The following ODF2 variants were observed in gnomAD, a reference collection of about 807,000 sequenced individuals.
ODF2 encodes the protein outer dense fiber protein 2.
Under a neutral mutation model 110.2 loss-of-function variants are expected in ODF2, and 47 were observed. The observed-to-expected ratio is 0.43, with a 90% CI of 0.34 to 0.54. The LOEUF is 0.54. Ranked by LOEUF, ODF2 falls within the 20% of genes least tolerant of loss-of-function variation. ODF2 has a pLI of 0.03. For synonymous variants in ODF2, 352 were observed against 397.7 expected, an observed-to-expected ratio of 0.89 and a Z score of 1.37; for missense variants, 812 against 1,054.5, an observed-to-expected ratio of 0.77 and a Z score of 3.19.
At chr9:128,481,853 G>T (rs536884851) in intron 9 of ODF2, among the ~76,000 whole-genome samples, 3 of 152,294 alleles carry the variant, frequency 2.0e-5, no homozygotes, top group East Asian at 3.9e-4. Context: ...TTGAGACCTT[G>T]AGCCACAAAG....
chr9:128,462,990 G>A (rs1402784528), intron 4 of ODF2, among the ~76,000 whole-genome samples: 4 of 152,142 alleles, frequency 2.6e-5, no homozygotes, highest in Admixed American at 2.0e-4. Context: ...GCTGGGCGTG[G>A]TGGGCTCACA....
At chr9:128,456,788 C>T (rs1588663739) in intron 1 of ODF2, 5 of 1,326,954 alleles carry the variant, frequency 3.8e-6, no homozygotes, top group South Asian at 1.7e-5. Flanking sequence ...CCCCTCCCAG[C>T]CCGGCGTCTA....
rs543473517 is a variant in ODF2 at position 128,468,546 on chromosome 9, G to T, written c.250-637G>T. Among the ~76,000 whole-genome samples the T allele has an allele frequency of 2.0e-5, 3 of 151,578 alleles. No individual in the cohort carries two copies. The South Asian group carries it at 6.3e-4, about 32-fold the overall frequency. ...ACCCACCTGATTTTTTTTTTTAGAA[G>T]GAGTTTCGTTCTGTTGCCCAGGCTG... is the stretch of plus-strand genomic sequence containing the variant. On this transcript the variant is annotated intron_variant, in intron 4 of 20. Coordinates refer to ENST00000604420, the Ensembl canonical transcript of ODF2.
At chr9:128,463,484 G>A (rs192505941) in intron 4 of ODF2, among the ~76,000 whole-genome samples, 1 of 152,126 alleles carries the variant, frequency 6.6e-6, no homozygotes, top group Non-Finnish European at 1.5e-5. Flanking sequence ...TGGGTGCAGT[G>A]GTACGCACTT....
At chr9:128,467,657 A>C (rs1838585723) in intron 4 of ODF2, among the ~76,000 whole-genome samples, 1 of 146,254 alleles carries the variant, frequency 6.8e-6, no homozygotes, top group Non-Finnish European at 1.5e-5. Context: ...AGGCAGGAGA[A>C]TTGCTTGAAC....
At chr9:128,487,821 A>G in intron 13 of ODF2, 69 bp from the exon 14 acceptor site, 1 of 1,557,702 alleles carries the variant, frequency 6.4e-7, no homozygotes, top group African/African-American at 1.4e-5. Context: ...ACACACACAC[A>G]CACACACACA....
intron 8 of ODF2, among the ~76,000 whole-genome samples, chr9:128,477,621 T>C (rs1841572306): frequency 6.6e-6 from 1 of 151,892 alleles, no homozygotes; most frequent in African/African-American, 2.4e-5. Flanking sequence ...TTTCTTTTTT[T>C]TTGAGACGGA....
chr9:128,457,939 A>ATT (rs1299999466), intron 2 of ODF2, among the ~76,000 whole-genome samples: 1 of 70,536 alleles, frequency 1.4e-5, no homozygotes, highest in Non-Finnish European at 3.1e-5. Flanking sequence ...ATATATATAT[A>ATT]TATATTTTTT....
intron 14 of ODF2, among the ~76,000 whole-genome samples, chr9:128,488,484 C>T (rs1843858791): frequency 6.6e-6 from 1 of 152,128 alleles, no homozygotes; most frequent in African/African-American, 2.4e-5. Flanking sequence ...GCTGTAGGAC[C>T]TGAGTGAAAA....
intron 10 of ODF2, 54 bp downstream of exon 10, chr9:128,482,941 G>A: frequency 7.0e-7 from 1 of 1,436,396 alleles, no homozygotes; most frequent in East Asian, 2.3e-5. Flanking sequence ...CTGTCGCCAG[G>A]CTGGAGTGCA....
Position 128,494,259 on chromosome 9 carries a change from C to T in ODF2, c.1753-251C>T, listed in dbSNP as rs1004146945. Among the ~76,000 whole-genome samples, 1 of 152,200 alleles carries T rather than the reference C, an allele frequency of 6.6e-6. No homozygotes were observed. Among genetic ancestry groups the T allele is most frequent in the African/African-American group, 2.4e-5 (1 of 41,446 alleles). ...GCAAGTGTGCAGAGAGCCCCTGGTA[C>T]AATGCCTGGGTCTTGGTGTTTACTG... is the stretch of plus-strand genomic sequence containing the variant. On this transcript the variant is annotated intron_variant, in intron 16 of 20. Coordinates refer to ENST00000604420, the Ensembl canonical transcript of ODF2. This position sits in a 1 kb window ranked among gnomAD's most constrained non-coding sequence, Gnocchi z 4.6.
upstream of ODF2, chr9:128,455,944 G>A: frequency 7.1e-7 from 1 of 1,402,952 alleles, no homozygotes; most frequent in Non-Finnish European, 9.2e-7. Flanking sequence ...GGCCAGGCCC[G>A]CTGGACGCGT....
chr9:128,500,318 T>C (rs1846330205), exon 21 of ODF2: 2 of 1,538,952 alleles, frequency 1.3e-6, no homozygotes, highest in East Asian at 4.5e-5. Context: ...TGCCAAGCCA[T>C]AGCTGAGAAG....
At chr9:128,460,316 C>T (rs1836091059) in intron 3 of ODF2, 1 of 1,418,890 alleles carries the variant, frequency 7.0e-7, no homozygotes, top group Non-Finnish European at 9.3e-7. Context: ...CTTGCAGACC[C>T]TCTCTTGAGT....
Position 128,492,539 on chromosome 9 carries a change from A to G in ODF2, c.1647+3A>G. 2 of 1,605,890 alleles carry G rather than the reference A, an allele frequency of 1.2e-6. No homozygotes were observed. The highest frequency in any genetic ancestry group is 1.7e-6 in the Non-Finnish European group (2 of 1,173,198). On this transcript the variant is annotated splice_donor_region_variant and intron_variant, in intron 15 of 20. Transcript: ENST00000604420. ...TGATTGACAACTATAAGAGTCAGGT[A>G]GGCCTCACTGGGGCCCTGGCCCTTC...
intron 4 of ODF2, among the ~76,000 whole-genome samples, chr9:128,468,228 T>C (rs1838802381): frequency 6.6e-6 from 1 of 152,192 alleles, no homozygotes; most frequent in African/African-American, 2.4e-5. Flanking sequence ...TAATCCACTA[T>C]CAGCTATTCA....
At chr9:128,484,587 C>T (rs562272271) in intron 11 of ODF2, 114 bp from the exon 12 acceptor site, 50 of 1,149,360 alleles carry the variant, frequency 4.4e-5, no homozygotes, top group Admixed American at 1.3e-4. Flanking sequence ...CTGTCTTCCT[C>T]GTTTCCTCTT....
intron 4 of ODF2, among the ~76,000 whole-genome samples, chr9:128,461,635 T>A (rs1764543639): frequency 6.6e-6 from 1 of 152,176 alleles, no homozygotes; most frequent in Non-Finnish European, 1.5e-5. Flanking sequence ...GCCAGGCTGG[T>A]CTCGAACTCC....
At chr9:128,488,083 G>C in intron 14 of ODF2, 58 bp downstream of exon 14, 3 of 1,602,924 alleles carry the variant, frequency 1.9e-6, no homozygotes, top group Non-Finnish European at 2.6e-6. Context: ...GCTGATGAGG[G>C]GTCTTGTCTT....
Sources: allele counts gnomAD v4.1 joint callset (sites outside exome capture counted in the v4.1 genomes callset), GRCh38; gene constraint gnomAD v4.1.1; non-coding constraint Gnocchi (gnomAD v3.1); transcripts MANE v1.5; gene names NCBI Gene and HGNC (gene_info 2026-07-23, HGNC 2026-07-21).